BUB1: variants seen among roughly 807,000 people sequenced by gnomAD.
The protein encoded by BUB1 is BUB1 mitotic checkpoint serine/threonine kinase, also known as mitotic checkpoint serine/threonine-protein kinase BUB1.
Under a neutral mutation model 135.2 loss-of-function variants are expected in BUB1, and 84 were observed. The observed-to-expected ratio is 0.62, with a 90% CI of 0.52 to 0.74. The LOEUF (loss-of-function observed/expected upper bound fraction) is 0.74, where lower values mean the gene tolerates loss of function less well. Ranked by LOEUF, BUB1 falls within the 30% of genes least tolerant of loss-of-function variation. The pLI, the probability that BUB1 is intolerant of heterozygous loss-of-function variation, is 0.00. For synonymous variants in BUB1, 403 were observed against 434.4 expected (o/e 0.93, Z 0.90); for missense variants, 1,162 against 1,288.3 (o/e 0.90, Z 1.50).
intron 1 of BUB1, chr2:110,675,385 G>A (rs965108075): frequency 1.3e-5 from 2 of 152,338 alleles, no homozygotes; most frequent in African/African-American, 4.8e-5. Context: ...ATCAGTGCCA[G>A]ACAGCCACGT....
At chr2:110,660,545 T>A (rs1441152260) in intron 10 of BUB1, among the ~76,000 whole-genome samples, 1 of 152,200 alleles carries the variant, frequency 6.6e-6, no homozygotes, top group Non-Finnish European at 1.5e-5. Flanking sequence ...ACTGTTTTTT[T>A]TTTCCTTTCA....
chr2:110,656,620 T>C (rs1689942420), intron 15 of BUB1, among the ~76,000 whole-genome samples: 1 of 152,224 alleles, frequency 6.6e-6, no homozygotes. Context: ...CATGACTTAT[T>C]CCTGGTTAAC....
intron 8 of BUB1, 22 bp downstream of exon 8, chr2:110,667,498 TA>T: frequency 6.3e-7 from 1 of 1,584,752 alleles, no homozygotes; most frequent in Non-Finnish European, 8.6e-7. Flanking sequence ...TAAGAATAAC[TA>T]AAAATACAAG....
intron 19 of BUB1, among the ~76,000 whole-genome samples, chr2:110,644,058 CAAAAA>C (rs58393999): frequency 7.6e-5 from 3 of 39,678 alleles, no homozygotes; most frequent in African/African-American, 2.5e-4. Context: ...AACTGAAATG[CAAAAA>C]AAAAAAAAAA....
At chr2:110,655,155 G>T (rs1442514447) in intron 16 of BUB1, among the ~76,000 whole-genome samples, 2 of 152,164 alleles carry the variant, frequency 1.3e-5, no homozygotes, top group Non-Finnish European at 2.9e-5. Flanking sequence ...AATATATAGG[G>T]TGATAGATTT....
At chr2:110,639,927 C>G (rs1396528658) in intron 23 of BUB1, 79 bp from the exon 24 acceptor site, 1 of 1,192,390 alleles carries the variant, frequency 8.4e-7, no homozygotes, top group African/African-American at 1.5e-5. Context: ...CTAACTTAGG[C>G]AGCAAGTTAA....
chr2:110,642,364 T>G, intron 19 of BUB1, 130 bp from the exon 20 acceptor site: 1 of 536,130 alleles, frequency 1.9e-6, no homozygotes, highest in East Asian at 3.2e-5. Context: ...TTGTTAACTC[T>G]TACATAACCA....
chr2:110,670,788 C>T (rs2104556891), intron 4 of BUB1, among the ~76,000 whole-genome samples: 1 of 152,226 alleles, frequency 6.6e-6, no homozygotes, highest in Admixed American at 6.5e-5. Flanking sequence ...AAAATTCCTC[C>T]TTTTGCTTAG....
chr2:110,673,801 G>A (rs889217834), intron 3 of BUB1, among the ~76,000 whole-genome samples: 2 of 152,098 alleles, frequency 1.3e-5, no homozygotes, highest in South Asian at 4.1e-4. Flanking sequence ...ATTTTACCAC[G>A]TTGGCCAGGC....
chr2:110,650,951 A>G (rs984922556), intron 17 of BUB1, among the ~76,000 whole-genome samples, 167 bp from the exon 18 acceptor site: 12 of 152,206 alleles, frequency 7.9e-5, no homozygotes, highest in African/African-American at 2.7e-4. Flanking sequence ...ATGAAAATAT[A>G]CAGCTAGTAC....
intron 5 of BUB1, 104 bp downstream of exon 5, chr2:110,670,421 A>G: frequency 7.5e-7 from 1 of 1,335,974 alleles, no homozygotes; most frequent in Non-Finnish European, 1.1e-6. Context: ...TACAGGTGTG[A>G]GCCACCATGC....
At chr2:110,666,624 T>TAAAAAAAAA (rs398060452) in intron 8 of BUB1, among the ~76,000 whole-genome samples, 1 of 120,800 alleles carries the variant, frequency 8.3e-6, no homozygotes, top group African/African-American at 3.0e-5. Flanking sequence ...TGTAAATTAC[T>TAAAAAAAAA]AAAAAAAAAA....
rs1689700992 is a variant in BUB1 at position 110,648,473 on chromosome 2, A to G, written c.2347+761T>C. ...TCTGTATGATACTGTAATGATGGATACATGTCACTGTACTACATTCGTAAA... is the reference window on the plus strand; with the variant it reads ...TCTGTATGATACTGTAATGATGGATGCATGTCACTGTACTACATTCGTAAA... On this transcript the variant is annotated intron_variant, in intron 19 of 24. Transcript: ENST00000302759. The surrounding 1 kb of genome is among the most constrained non-coding windows in gnomAD (Gnocchi z 4.2). Among the ~76,000 whole-genome samples, 1 of 152,182 alleles carries G rather than the reference A, an allele frequency of 6.6e-6. No individual in the cohort carries two copies.
At chr2:110,657,482 C>T in intron 14 of BUB1, 64 bp downstream of exon 14, 2 of 1,240,878 alleles carry the variant, frequency 1.6e-6, no homozygotes, top group South Asian at 3.1e-5. Flanking sequence ...TCCTCACCAC[C>T]CCACCACCTC....
At chr2:110,640,240 G>A (rs1689467409) in intron 23 of BUB1, among the ~76,000 whole-genome samples, 1 of 151,934 alleles carries the variant, frequency 6.6e-6, no homozygotes, top group African/African-American at 2.4e-5. Flanking sequence ...GTTCATAATT[G>A]AAAAGAACAC....
rs1407027164 is a variant in BUB1, at chr2:110,674,339, T to A, written c.53A>T (p.Tyr18Phe). The A allele has an allele frequency of 1.2e-6, 2 of 1,614,108 alleles. No individual in the cohort carries two copies. The highest frequency in any genetic ancestry group is 2.2e-5 in the South Asian group (2 of 91,076). Residue 18 changes from tyrosine to phenylalanine, a missense_variant, in exon 2 of 25, where the codon TAC becomes TTC. Transcript: ENST00000302759. ...LQMLEAHMQSYKGNDPLGEWE... is the reference protein window; with the variant it reads ...LQMLEAHMQSFKGNDPLGEWE... ...TTCACCAAGAGGGTCATTGCCCTTG[T>A]AGCTCTGCATGTGGGCTTCAAGCAT... is the stretch of plus-strand genomic sequence containing the variant.
intron 17 of BUB1, among the ~76,000 whole-genome samples, chr2:110,652,957 C>G (rs1381786282): frequency 6.6e-6 from 1 of 152,182 alleles, no homozygotes; most frequent in African/African-American, 2.4e-5. Flanking sequence ...AATAAACCAA[C>G]ATTTGTTCCA....
At chr2:110,668,465 T>C (rs1299532692) in intron 6 of BUB1, among the ~76,000 whole-genome samples, 1 of 152,212 alleles carries the variant, frequency 6.6e-6, no homozygotes, top group African/African-American at 2.4e-5. Context: ...CAGGAGCGCA[T>C]ATTCTACTTC....
At chr2:110,647,975 T>C (rs1689687591) in intron 19 of BUB1, among the ~76,000 whole-genome samples, 3 of 152,218 alleles carry the variant, frequency 2.0e-5, no homozygotes, top group Admixed American at 6.5e-5. Context: ...ACAGTCACTT[T>C]GGAAGTTTCT....
Sources: allele counts gnomAD v4.1 joint callset (sites outside exome capture counted in the v4.1 genomes callset), GRCh38; gene constraint gnomAD v4.1.1; non-coding constraint Gnocchi (gnomAD v3.1); transcripts MANE v1.5; gene names NCBI Gene and HGNC (gene_info 2026-07-23, HGNC 2026-07-21).